The following AGBL1 variants were observed in gnomAD, a reference collection of about 807,000 sequenced individuals.
The protein encoded by AGBL1 is cytosolic carboxypeptidase 4.
A neutral mutation model predicts 118.9 loss-of-function variants in AGBL1; 130 were observed. The ratio of observed to expected loss-of-function variants is 1.09; its 90% CI spans 0.95 to 1.26. AGBL1 has a LOEUF of 1.26. Among genes scored for constraint, AGBL1 ranks in the 50% most tolerant of loss-of-function variants. The pLI is 0.00. For missense variants in AGBL1, 1,584 were observed against 1,298.1 expected, an observed-to-expected ratio of 1.22 and a Z score of -3.38; for synonymous variants, 555 against 478.9, an observed-to-expected ratio of 1.16 and a Z score of -2.08.
At chr15:86,936,517 A>G (rs1399546677) in intron 23 of AGBL1, among the ~76,000 whole-genome samples, 1 of 152,140 alleles carries the variant, frequency 6.6e-6, no homozygotes, top group African/African-American at 2.4e-5. Flanking sequence ...GGACTATTAA[A>G]ATATTTCTTC....
chr15:86,693,175 G>T (rs1431872770), intron 22 of AGBL1, among the ~76,000 whole-genome samples: 3 of 152,030 alleles, frequency 2.0e-5, no homozygotes, highest in Non-Finnish European at 2.9e-5. Flanking sequence ...GTTCTTTAAG[G>T]AACCTCCACA....
intron 22 of AGBL1, among the ~76,000 whole-genome samples, chr15:86,772,091 A>G (rs778661558): frequency 2.6e-5 from 4 of 152,040 alleles, no homozygotes; most frequent in Non-Finnish European, 5.9e-5. Context: ...CCGGGAGGTC[A>G]CTGTAGTGGT....
intron 17 of AGBL1, among the ~76,000 whole-genome samples, chr15:86,392,734 A>G (rs2081307120): frequency 1.3e-5 from 2 of 152,184 alleles, no homozygotes; most frequent in Non-Finnish European, 2.9e-5. Flanking sequence ...TACAGATGTC[A>G]TTACCACTAT....
chr15:86,338,400 T>G (rs746377075), intron 17 of AGBL1, among the ~76,000 whole-genome samples: 6 of 152,068 alleles, frequency 3.9e-5, no homozygotes, highest in Non-Finnish European at 5.9e-5. Context: ...TGGTAGCAGT[T>G]GTAGGGATGC....
At chr15:86,616,078 T>C (rs2084717217) in intron 21 of AGBL1, among the ~76,000 whole-genome samples, 1 of 152,130 alleles carries the variant, frequency 6.6e-6, no homozygotes, top group Admixed American at 6.5e-5. Flanking sequence ...GGCTCACCCC[T>C]GTAATCCCAG....
chr15:86,096,678 G>A (rs1751217303), intron 1 of AGBL1, among the ~76,000 whole-genome samples: 1 of 152,168 alleles, frequency 6.6e-6, no homozygotes, highest in Non-Finnish European at 1.5e-5. Flanking sequence ...TTATGAGCAT[G>A]CCATATTTGA....
At chr15:86,640,559 TA>T in intron 21 of AGBL1, among the ~76,000 whole-genome samples, 1 of 152,270 alleles carries the variant, frequency 6.6e-6, no homozygotes, top group Middle Eastern at 3.4e-3. Flanking sequence ...TAAATACATT[TA>T]AAACTATTAT....
At chr15:86,819,984 G>C (rs565931727) in intron 22 of AGBL1, among the ~76,000 whole-genome samples, 1 of 152,130 alleles carries the variant, frequency 6.6e-6, no homozygotes, top group South Asian at 2.1e-4. Flanking sequence ...CAGAAATAAT[G>C]TCACGTATCT....
chr15:86,483,299 G>A (rs931995604), intron 18 of AGBL1, among the ~76,000 whole-genome samples: 1 of 152,098 alleles, frequency 6.6e-6, no homozygotes, highest in African/African-American at 2.4e-5. Context: ...TATCAGCAAG[G>A]AATGCTAGTT....
chr15:86,520,974 C>T (rs2083182448), intron 18 of AGBL1, among the ~76,000 whole-genome samples: 1 of 152,062 alleles, frequency 6.6e-6, no homozygotes, highest in Non-Finnish European at 1.5e-5. Flanking sequence ...AACTGATAAA[C>T]TCTATTTCTA....
intron 17 of AGBL1, among the ~76,000 whole-genome samples, chr15:86,352,511 C>G (rs1396862678): frequency 6.7e-6 from 1 of 150,152 alleles, no homozygotes; most frequent in Non-Finnish European, 1.5e-5. Context: ...GAGTCTTGGT[C>G]TGTTGTCCAA....
chr15:87,013,773 A>G (rs555422746), intron 24 of AGBL1, among the ~76,000 whole-genome samples: 6 of 150,130 alleles, frequency 4.0e-5, no homozygotes, highest in Non-Finnish European at 5.9e-5. Flanking sequence ...AGTTCACTCA[A>G]TGAGACATTA....
intron 22 of AGBL1, among the ~76,000 whole-genome samples, chr15:86,784,273 G>A (rs1460349728): frequency 1.3e-5 from 2 of 152,126 alleles, no homozygotes; most frequent in African/African-American, 4.8e-5. Flanking sequence ...CCCCACAGAG[G>A]CAACCTACTG....
chr15:86,438,761 A>G (rs754048735), intron 18 of AGBL1, among the ~76,000 whole-genome samples: 9 of 150,900 alleles, frequency 6.0e-5, no homozygotes, highest in Non-Finnish European at 7.4e-5. Context: ...TCCTGGGTCC[A>G]AACAATTCTC....
At chr15:86,816,083 T>C (rs2078853763) in intron 22 of AGBL1, among the ~76,000 whole-genome samples, 1 of 152,144 alleles carries the variant, frequency 6.6e-6, no homozygotes, top group Admixed American at 6.6e-5. Context: ...GGAAGATGGA[T>C]AAGACGTGTC....
rs764250525 is a variant in AGBL1 at position 86,674,327 on chromosome 15, G to C, written c.3049G>C (p.Gly1017Arg). 3.1e-6 allele frequency: 5 copies of C among 1,611,904 alleles called. No homozygotes were observed. In the South Asian group the frequency reaches 4.4e-5, roughly 14 times the overall value. The change falls in exon 22 of 23, where the codon GGC (glycine) becomes CGC (arginine). Residue 1017 changes from glycine to arginine, a missense_variant. Gly to Arg is a moderately radical substitution (Grantham distance 125). Transcript: ENST00000614907. ...GGAGATGGGAGCCATGTTCTGTTTGGGCCTCCTCATCCTGGAGCTCAAATC... is the reference window on the plus strand; with the variant it reads ...GGAGATGGGAGCCATGTTCTGTTTGCGCCTCCTCATCCTGGAGCTCAAATC... Reference protein sequence around the residue: ...LEEMGAMFCLGLLILELKSAS... With the variant: ...LEEMGAMFCLRLLILELKSAS...
rs912527975 is a variant in AGBL1 at position 86,462,436 on chromosome 15, T to TA, written c.2556-60365dup. On this transcript the variant is annotated intron_variant, in intron 18 of 22. Coordinates refer to ENST00000614907, the MANE Select transcript of AGBL1 (RefSeq NM_001386094.1). ...GCATCATTTCTTTCTTTCTTTTTTT[T>TA]AAAAAAAAACACAAAAAACTTTTAC... 1.8e-3 allele frequency among the ~76,000 whole-genome samples: 278 copies of TA among 151,336 alleles called. 2 individuals carry two copies. The highest frequency in any genetic ancestry group is 5.9e-3 in the African/African-American group (245 of 41,324).
At chr15:86,690,014 T>C (rs1257270523) in intron 22 of AGBL1, among the ~76,000 whole-genome samples, 1 of 152,192 alleles carries the variant, frequency 6.6e-6, no homozygotes, top group East Asian at 1.9e-4. Flanking sequence ...TAGAATTAGA[T>C]AGGGAATGGT....
In AGBL1 at chr15:86,538,980, C is replaced by T. The variant is rs190679844; in HGVS notation, c.2686-7022C>T. ...AATCTGGTCCTCATCAGCTTCTTTG[C>T]GGAGCAAGAAATCATGGAACTCATG... On this transcript the variant is annotated intron_variant, in intron 19 of 22. Transcript: ENST00000614907. 1.5e-3 allele frequency among the ~76,000 whole-genome samples: 234 copies of T among 152,296 alleles called. 1 individual carries two copies. Among genetic ancestry groups the T allele is most frequent in the Non-Finnish European group, 1.8e-3 (120 of 68,018 alleles).
Sources: allele counts gnomAD v4.1 joint callset (sites outside exome capture counted in the v4.1 genomes callset), GRCh38; gene constraint gnomAD v4.1.1; transcripts MANE v1.5; gene names NCBI Gene and HGNC (gene_info 2026-07-23, HGNC 2026-07-21).